BDH1: variants seen among roughly 807,000 people sequenced by gnomAD.
BDH1 encodes the protein 3-hydroxybutyrate dehydrogenase 1.
In BDH1, 30 loss-of-function variants were observed where a neutral mutation model predicts 33.1. The ratio of observed to expected loss-of-function variants is 0.91; its 90% CI spans 0.68 to 1.23. The LOEUF (loss-of-function observed/expected upper bound fraction) is 1.23. Ranked by LOEUF, BDH1 falls within the 50% of genes most tolerant of loss-of-function variation. The pLI is 0.00. For missense variants in BDH1, 443 were observed against 464.4 expected (o/e 0.95, Z 0.42); for synonymous variants, 190 against 183.6 (o/e 1.03, Z -0.28).
chr3:197,564,745 G>A (rs575578267), intron 1 of BDH1, among the ~76,000 whole-genome samples: 4 of 152,232 alleles, frequency 2.6e-5, no homozygotes, highest in African/African-American at 7.2e-5. Flanking sequence ...ACCAGCATAT[G>A]AGCCCATGTC....
At chr3:197,570,720 T>C (rs889941509) in intron 1 of BDH1, among the ~76,000 whole-genome samples, 2 of 152,180 alleles carry the variant, frequency 1.3e-5, no homozygotes, top group Non-Finnish European at 2.9e-5. Context: ...AGAGGAGGTA[T>C]GGAAATAACT....
chr3:197,515,412 C>T, intron 6 of BDH1: 1 of 985,800 alleles, frequency 1.0e-6, no homozygotes, highest in Non-Finnish European at 1.2e-6. Flanking sequence ...GACCCCACAG[C>T]TCCCACTGTC....
chr3:197,570,538 TTG>T (rs1717574352), intron 1 of BDH1, among the ~76,000 whole-genome samples: 1 of 152,222 alleles, frequency 6.6e-6, no homozygotes, highest in African/African-American at 2.4e-5. Flanking sequence ...TCTTAGGGAC[TTG>T]GCACCCTACG....
At chr3:197,562,703 C>T (rs1717305530) in intron 1 of BDH1, among the ~76,000 whole-genome samples, 1 of 151,874 alleles carries the variant, frequency 6.6e-6, no homozygotes. Context: ...CCACAAGCAG[C>T]TCACATCGAT....
intron 6 of BDH1, chr3:197,515,373 A>G (rs537537281): frequency 2.2e-5 from 22 of 985,716 alleles, no homozygotes; most frequent in Non-Finnish European, 2.4e-5. Flanking sequence ...CCTCGCTCAG[A>G]TGCTAATGAC....
At chr3:197,549,515 G>T (rs1716374707) in intron 2 of BDH1, among the ~76,000 whole-genome samples, 1 of 152,212 alleles carries the variant, frequency 6.6e-6, no homozygotes. Flanking sequence ...ATTCTCAGCA[G>T]AGGCAAGGTA....
rs1379708643 is a variant in BDH1, at chr3:197,514,437, T to C, written c.410-21A>G. ...CATGCCTGGACAGGAGAGGGATAGA[T>C]GTGCATTTACCACATGGGCTTGGCC... On this transcript the variant is annotated intron_variant, in intron 6 of 7. Transcript: ENST00000392379. The surrounding 1 kb of genome is among the most constrained non-coding windows in gnomAD (Gnocchi z 4.2). The C allele has an allele frequency of 6.3e-7, 1 of 1,576,324 alleles. No individual in the cohort carries two copies.
rs115448096 is a variant in BDH1, at chr3:197,532,502, C to G, written c.177G>C (p.Leu59=). 2.3e-3 allele frequency: 3,633 copies of G among 1,614,080 alleles called. 90 individuals carry two copies. In the African/African-American group the frequency reaches 0.043, roughly 19 times the overall value. Residue 59 remains leucine (L), a synonymous_variant, in exon 5 of 8, where the codon CTG becomes CTC. Transcript: ENST00000392379. ...CAAATCCAGAGTCACAGCCTGTGAC[C>G]AGGACAGCTTTGCTGCCAACCTGTT... is the stretch of plus-strand genomic sequence containing the variant. ...AAEPVGSKAV[L]VTGCDSGFGF... is the part of the protein sequence containing the mutation.
chr3:197,513,262 G>A (rs1378780294), intron 7 of BDH1, among the ~76,000 whole-genome samples: 5 of 152,322 alleles, frequency 3.3e-5, no homozygotes, highest in East Asian at 3.9e-4. Flanking sequence ...CCGGGAAGCC[G>A]AGGCGGATCT....
intron 3 of BDH1, among the ~76,000 whole-genome samples, chr3:197,539,845 C>T (rs1269078922): frequency 1.3e-5 from 2 of 152,210 alleles, no homozygotes; most frequent in Non-Finnish European, 2.9e-5. Context: ...ACTCTTGATT[C>T]CTGAATGTTT....
chr3:197,546,288 C>G (rs369942759), intron 3 of BDH1, 73 bp downstream of exon 3: 2 of 1,452,638 alleles, frequency 1.4e-6, no homozygotes, highest in Non-Finnish European at 1.9e-6. Context: ...ACCGCCTACA[C>G]TGTCCATGTG....
At chr3:197,567,242 A>T (rs113835519) in intron 1 of BDH1, among the ~76,000 whole-genome samples, 118 of 152,302 alleles carry the variant, frequency 7.7e-4, no homozygotes, top group Admixed American at 2.8e-3. Flanking sequence ...AAAGATTTTA[A>T]AAAGAAAAGG....
chr3:197,538,630 G>T, intron 3 of BDH1: 1 of 246,418 alleles, frequency 4.1e-6, no homozygotes, highest in South Asian at 4.7e-5. Context: ...GGGATCACAG[G>T]CATGAGCCAC....
In BDH1 at chr3:197,516,600, C is replaced by G. The variant is rs1712756144; in HGVS notation, c.410-2184G>C. Among the ~76,000 whole-genome samples the G allele has an allele frequency of 6.6e-6, 1 of 152,060 alleles. No individual in the cohort carries two copies. Among genetic ancestry groups the G allele is most frequent in the Non-Finnish European group, 1.5e-5 (1 of 68,010 alleles). ...TCAGTTCTCCTTGGGAGTCACGGCT[C>G]TCTCTCCTCATCCCATCTCCTGTCT... On this transcript the variant is annotated intron_variant, in intron 6 of 7. Transcript: ENST00000392379. The surrounding 1 kb of genome is among the most constrained non-coding windows in gnomAD (Gnocchi z 4.2).
intron 5 of BDH1, among the ~76,000 whole-genome samples, chr3:197,531,736 C>T (rs1420910057): frequency 2.0e-5 from 3 of 152,078 alleles, no homozygotes; most frequent in Admixed American, 2.0e-4. Flanking sequence ...GAGTGATGGA[C>T]GTATTCTAAA....
At chr3:197,519,690 A>G (rs1331031622) in intron 6 of BDH1, among the ~76,000 whole-genome samples, 2 of 152,018 alleles carry the variant, frequency 1.3e-5, no homozygotes, top group East Asian at 3.9e-4. Flanking sequence ...TAATTAATTA[A>G]TGTTGACTGA....
chr3:197,536,775 G>A (rs1341258157), intron 3 of BDH1, among the ~76,000 whole-genome samples: 8 of 152,090 alleles, frequency 5.3e-5, no homozygotes, highest in African/African-American at 1.9e-4. Flanking sequence ...CCCAGGAGGC[G>A]GAGGTCAAAG....
chr3:197,566,107 T>C (rs1717423388), intron 1 of BDH1, among the ~76,000 whole-genome samples: 1 of 152,268 alleles, frequency 6.6e-6, no homozygotes, highest in Non-Finnish European at 1.5e-5. Flanking sequence ...TATTTGTTTC[T>C]GTCAACCTGA....
Position 197,521,656 on chromosome 3 carries a change from C to A in BDH1, c.409+984G>T, listed in dbSNP as rs541071048. Among the ~76,000 whole-genome samples the A allele has an allele frequency of 6.6e-6, 1 of 152,144 alleles. No individual in the cohort carries two copies. Among genetic ancestry groups the A allele is most frequent in the Non-Finnish European group, 1.5e-5 (1 of 68,020 alleles). ...GTGTCTCCCTATCTCCCCACCTGCT[C>A]CTGCAGTGCGGGGCACCAGGTGTCC... On this transcript the variant is annotated intron_variant, in intron 6 of 7. Coordinates refer to ENST00000392379, the MANE Select transcript of BDH1 (RefSeq NM_203314.3). The surrounding 1 kb of genome is among the most constrained non-coding windows in gnomAD (Gnocchi z 4.9).
Sources: allele counts gnomAD v4.1 joint callset (sites outside exome capture counted in the v4.1 genomes callset), GRCh38; gene constraint gnomAD v4.1.1; non-coding constraint Gnocchi (gnomAD v3.1); transcripts MANE v1.5; gene names NCBI Gene and HGNC (gene_info 2026-07-23, HGNC 2026-07-21).